The following OLR1 variants were observed in gnomAD, a reference collection of about 807,000 sequenced individuals.
OLR1 encodes oxidized low density lipoprotein receptor 1, also known as oxidized low-density lipoprotein receptor 1.
OLR1 carries 23 observed loss-of-function variants against 31.7 expected under a neutral mutation model. The observed-to-expected ratio is 0.72, with a 90% CI of 0.52 to 1.03. OLR1 has a LOEUF of 1.03. OLR1 is among the 50% of genes least tolerant of loss of function. The pLI, the probability that OLR1 is intolerant of heterozygous loss-of-function variation, is 0.00. For missense variants in OLR1, 286 were observed against 315.7 expected, an observed-to-expected ratio of 0.91 and a Z score of 0.71; for synonymous variants, 117 against 115.8, an observed-to-expected ratio of 1.01 and a Z score of -0.07.
At chr12:10,165,120 A>G (rs990165872) in intron 3 of OLR1, among the ~76,000 whole-genome samples, 1 of 152,154 alleles carries the variant, frequency 6.6e-6, no homozygotes, top group East Asian at 1.9e-4. Context: ...AAAATTAGCC[A>G]GGTGTGGTGG....
intron 3 of OLR1, among the ~76,000 whole-genome samples, chr12:10,164,735 A>G (rs892988062): frequency 6.6e-6 from 1 of 152,222 alleles, no homozygotes; most frequent in Non-Finnish European, 1.5e-5. Context: ...ATGTAATGAC[A>G]TACTGCAGAA....
Position 10,159,601 on chromosome 12 carries a change from TGAA to T in OLR1, c.*276_*278del. ...ACTGAGTTCAGAGGGTTTTCAAGCTTGAAGAGGAGTCAAATTTTAAAATAAAAA... is the reference window on the plus strand; with the variant it reads ...ACTGAGTTCAGAGGGTTTTCAAGCTTGAGGAGTCAAATTTTAAAATAAAAA... On this transcript the variant is annotated 3_prime_UTR_variant, in exon 6 of 6. Coordinates refer to ENST00000309539, the MANE Select transcript of OLR1 (RefSeq NM_002543.4). The T allele has an allele frequency of 3.7e-6, 1 of 271,028 alleles. No homozygotes were observed. The highest frequency in any genetic ancestry group is 6.2e-5 in the East Asian group (1 of 16,004). 16.8% of individuals were successfully genotyped at this position (271,028 alleles called of 1,614,324 possible). A position where few individuals can be genotyped will look rare whatever the true frequency, so the allele number is the denominator to read the frequency against.
upstream of OLR1, among the ~76,000 whole-genome samples, chr12:10,175,909 C>G (rs148504444): frequency 2.5e-3 from 376 of 152,284 alleles, 1 homozygote; most frequent in African/African-American, 8.2e-3. Flanking sequence ...TCAGTGGAAC[C>G]AGAAGTAAGC....
intron 3 of OLR1, among the ~76,000 whole-genome samples, chr12:10,166,053 G>C (rs535369450): frequency 6.6e-6 from 1 of 151,182 alleles, no homozygotes; most frequent in African/African-American, 2.4e-5. Flanking sequence ...TCTACTAAAA[G>C]TACAAAAATT....
chr12:10,166,564 A>G (rs2137514704), intron 3 of OLR1, 148 bp downstream of exon 3: 1 of 815,106 alleles, frequency 1.2e-6, no homozygotes, highest in South Asian at 1.7e-5. Context: ...AGAAAAAGAA[A>G]TTGAGAACTT....
intron 4 of OLR1, 94 bp downstream of exon 4, chr12:10,160,692 C>T (rs190696901): frequency 6.7e-6 from 10 of 1,487,256 alleles, no homozygotes; most frequent in East Asian, 2.3e-5. Context: ...GACATTTTGG[C>T]TCTCAAACAA....
upstream of OLR1, chr12:10,172,295 T>A (rs1948729654): frequency 2.1e-6 from 1 of 474,674 alleles, no homozygotes; most frequent in Admixed American, 3.5e-5. Flanking sequence ...AAAGTGGTGA[T>A]TCTGAAGGTG....
At chr12:10,163,923 T>G (rs1453653628) in intron 3 of OLR1, among the ~76,000 whole-genome samples, 3 of 151,218 alleles carry the variant, frequency 2.0e-5, no homozygotes, top group Non-Finnish European at 4.4e-5. Flanking sequence ...AGAGCGAGAC[T>G]CCGTCTCAAA....
At chr12:10,166,526 T>TAA (rs111536572) in intron 3 of OLR1, among the ~76,000 whole-genome samples, 186 bp downstream of exon 3, 3,214 of 134,960 alleles carry the variant, frequency 0.024, 129 homozygotes, top group African/African-American at 0.082. Context: ...AAACTCCATC[T>TAA]AAAAAAAAAA....
upstream of OLR1, chr12:10,172,160 T>C (rs548590002): frequency 6.3e-5 from 55 of 872,032 alleles, no homozygotes; most frequent in Non-Finnish European, 9.2e-5. Flanking sequence ...TGCAGAAGTA[T>C]TTAAATAGCT....
At chr12:10,161,803 AT>A (rs1948622127) in intron 3 of OLR1, among the ~76,000 whole-genome samples, 2 of 152,044 alleles carry the variant, frequency 1.3e-5, no homozygotes, top group African/African-American at 4.8e-5. Context: ...TCCATTAAAA[AT>A]TTTTATACTG....
chr12:10,162,549 TG>T (rs1948628836), intron 3 of OLR1, among the ~76,000 whole-genome samples: 1 of 152,162 alleles, frequency 6.6e-6, no homozygotes, highest in African/African-American at 2.4e-5. Context: ...CGTTTTTGGC[TG>T]GGGGTGGTGG....
At chr12:10,166,314 G>T (rs530774560) in intron 3 of OLR1, among the ~76,000 whole-genome samples, 1 of 152,196 alleles carries the variant, frequency 6.6e-6, no homozygotes, top group Admixed American at 6.5e-5. Context: ...GATCACCTGA[G>T]GTCAGGAGTT....
In OLR1 at chr12:10,163,116, C is replaced by T. The variant is rs143661190; in HGVS notation, c.425-2191G>A. Among the ~76,000 whole-genome samples, 1,132 of 152,198 alleles carry T rather than the reference C, an allele frequency of 7.4e-3. 4 individuals carry two copies. Among genetic ancestry groups the T allele is most frequent in the Admixed American group, 0.012 (182 of 15,282 alleles). ...TATGTGCCAGAAACTGTTGGAAGTACTGTACAGGTATTAACTCATTTAATC... is the reference window on the plus strand; with the variant it reads ...TATGTGCCAGAAACTGTTGGAAGTATTGTACAGGTATTAACTCATTTAATC... On this transcript the variant is annotated intron_variant, in intron 3 of 5. Coordinates refer to ENST00000309539, the MANE Select transcript of OLR1 (RefSeq NM_002543.4).
At chr12:10,161,022 T>G in intron 3 of OLR1, 97 bp from the exon 4 acceptor site, 20 of 1,172,686 alleles carry the variant, frequency 1.7e-5, no homozygotes, top group Non-Finnish European at 2.1e-5. Context: ...CTCACGTGCA[T>G]ACTATTTATT....
upstream of OLR1, among the ~76,000 whole-genome samples, chr12:10,172,803 G>A (rs1415909680): frequency 1.3e-5 from 2 of 152,068 alleles, no homozygotes; most frequent in African/African-American, 2.4e-5. Flanking sequence ...GGAAATTAGG[G>A]ATAATGTCTA....
intron 3 of OLR1, among the ~76,000 whole-genome samples, chr12:10,161,183 C>T (rs1948617199): frequency 6.6e-6 from 1 of 151,982 alleles, no homozygotes; most frequent in African/African-American, 2.4e-5. Context: ...TCTGCAAATA[C>T]CTAAATAGCC....
intron 1 of OLR1, among the ~76,000 whole-genome samples, chr12:10,171,382 T>G (rs1443464708): frequency 6.6e-6 from 1 of 152,228 alleles, no homozygotes; most frequent in Admixed American, 6.5e-5. Flanking sequence ...GCTATGCAAT[T>G]TAATTACTGT....
chr12:10,160,896 C>T lies in OLR1; in HGVS notation c.454G>A (p.Gly152Arg), dbSNP rs1351722170. 6.2e-7 allele frequency: 1 copy of T among 1,613,986 alleles called. No homozygotes were observed. Among genetic ancestry groups the T allele is most frequent in the African/African-American group, 1.3e-5 (1 of 74,902 alleles). ...APCPQDWIWHGENCYLFSSGS... is the reference protein window; with the variant it reads ...APCPQDWIWHRENCYLFSSGS... ...GAGGAAAATAGGTAACAGTTTTCTC[C>T]ATGCCAGATCCAGTCTTGCGGACAA... Residue 152 changes from glycine (G) to arginine (R), a missense_variant, in exon 4 of 6, where the codon GGA (glycine) becomes AGA (arginine). By Grantham distance (125) the Gly-to-Arg change is moderately radical (BLOSUM62 -2). Transcript: ENST00000309539.
Sources: gnomAD v4.1 joint callset for allele counts (sites outside exome capture counted in the v4.1 genomes callset) on GRCh38, gnomAD v4.1.1 for gene constraint, MANE v1.5 for transcripts, NCBI Gene and HGNC (gene_info 2026-07-23, HGNC 2026-07-21) for gene names.